Variants in NPAS3 observed in about 807,000 individuals in gnomAD.
NPAS3 encodes neuronal PAS domain-containing protein 3.
A neutral mutation model predicts 73.1 loss-of-function variants in NPAS3; 14 were observed. The observed-to-expected ratio is 0.19, with a 90% CI of 0.13 to 0.30. The LOEUF (loss-of-function observed/expected upper bound fraction) is 0.30, where lower values mean the gene tolerates loss of function less well. Ranked by LOEUF, NPAS3 falls within the 10% of genes least tolerant of loss-of-function variation. The pLI, the probability that NPAS3 is intolerant of heterozygous loss-of-function variation, is 1.00. For synonymous variants in NPAS3, 620 were observed against 541.5 expected, an observed-to-expected ratio of 1.14 and a Z score of -2.01; for missense variants, 1,096 against 1,250.0, an observed-to-expected ratio of 0.88 and a Z score of 1.86.
chr14:33,233,088 A>G (rs2047910988), intron 3 of NPAS3, among the ~76,000 whole-genome samples: 1 of 152,186 alleles, frequency 6.6e-6, no homozygotes. Context: ...ATGTTATCAA[A>G]TGATGACAAA....
At position 33,508,991 on chromosome 14, in the gene NPAS3, G is replaced by C. The variant is rs78749343; in HGVS notation, c.469-51130G>C. On this transcript the variant is annotated intron_variant, in intron 4 of 11. Transcript: ENST00000356141. ...GATTTTACTGTTTCAGAGGGTGGTG[G>C]CCTGTTTGTCCTTCTCAAGAAAGGT... is the stretch of plus-strand genomic sequence containing the variant. 5.9e-3 allele frequency among the ~76,000 whole-genome samples: 892 copies of C among 151,800 alleles called. 5 individuals carry two copies. The highest frequency in any genetic ancestry group is 0.024 in the Middle Eastern group (7 of 294).
intron 2 of NPAS3, among the ~76,000 whole-genome samples, chr14:33,208,872 C>A (rs2046927300): frequency 6.6e-6 from 1 of 152,178 alleles, no homozygotes; most frequent in South Asian, 2.1e-4. Flanking sequence ...AACAGTGCAT[C>A]TTTACTGACG....
chr14:33,110,148 C>T (rs1392624268), intron 2 of NPAS3, among the ~76,000 whole-genome samples: 1 of 152,068 alleles, frequency 6.6e-6, no homozygotes, highest in African/African-American at 2.4e-5. Flanking sequence ...AATCACTTAA[C>T]ATTCAATTCA....
At chr14:33,614,224 G>A (rs1184871476) in intron 5 of NPAS3, among the ~76,000 whole-genome samples, 1 of 152,164 alleles carries the variant, frequency 6.6e-6, no homozygotes, top group Admixed American at 6.5e-5. Flanking sequence ...TAGTTGTTAA[G>A]CATCTCTGAG....
intron 1 of NPAS3, among the ~76,000 whole-genome samples, chr14:32,997,063 C>A (rs1022518209): frequency 2.0e-5 from 3 of 152,192 alleles, no homozygotes; most frequent in African/African-American, 7.2e-5. Context: ...CATGCATTAG[C>A]ATGACCTGGA....
At chr14:33,519,189 G>A (rs750297997) in intron 4 of NPAS3, among the ~76,000 whole-genome samples, 1 of 152,050 alleles carries the variant, frequency 6.6e-6, no homozygotes, top group South Asian at 2.1e-4. Flanking sequence ...CAACTGTTTC[G>A]CTGGCATCCT....
intron 2 of NPAS3, among the ~76,000 whole-genome samples, chr14:33,191,066 T>A (rs1452457024): frequency 6.6e-6 from 1 of 152,148 alleles, no homozygotes; most frequent in Non-Finnish European, 1.5e-5. Context: ...AAAATGAAAT[T>A]TAGTCAAAGC....
intron 2 of NPAS3, among the ~76,000 whole-genome samples, chr14:33,070,684 T>G (rs1281501741): frequency 6.6e-6 from 1 of 152,198 alleles, no homozygotes; most frequent in African/African-American, 2.4e-5. Flanking sequence ...AGCTGCTGGT[T>G]TGAAAGCTGA....
intron 6 of NPAS3, among the ~76,000 whole-genome samples, chr14:33,727,052 G>T (rs1184865062): frequency 3.9e-5 from 6 of 152,106 alleles, no homozygotes; most frequent in African/African-American, 1.4e-4. Context: ...ATGTGTGTGT[G>T]TTTGCAAGTG....
chr14:33,467,136 G>A (rs548722213), intron 4 of NPAS3, among the ~76,000 whole-genome samples: 14 of 152,254 alleles, frequency 9.2e-5, no homozygotes, highest in East Asian at 7.7e-4. Context: ...GTGACTTTGC[G>A]CTGCTCACTG....
chr14:33,626,834 G>C (rs560261626), intron 5 of NPAS3, among the ~76,000 whole-genome samples: 1 of 152,230 alleles, frequency 6.6e-6, no homozygotes, highest in African/African-American at 2.4e-5. Context: ...GGATAAGAAA[G>C]ATAAAAAGTA....
chr14:33,157,624 A>C (rs2044694652), intron 2 of NPAS3, among the ~76,000 whole-genome samples: 1 of 152,154 alleles, frequency 6.6e-6, no homozygotes, highest in African/African-American at 2.4e-5. Flanking sequence ...GCTTGTAAAA[A>C]CCTGTGGTTC....
At chr14:33,343,807 A>G (rs139596069) in intron 3 of NPAS3, among the ~76,000 whole-genome samples, 2,005 of 152,314 alleles carry the variant, frequency 0.013, 42 homozygotes, top group African/African-American at 0.046. Flanking sequence ...GTTTGTAGGT[A>G]GGCAGCCCTA....
chr14:33,515,852 A>G (rs934513423), intron 4 of NPAS3, among the ~76,000 whole-genome samples: 2 of 152,014 alleles, frequency 1.3e-5, no homozygotes, highest in African/African-American at 4.8e-5. Context: ...CTTTTAAACA[A>G]CTTTGTACTT....
At chr14:33,497,474 C>G (rs1044839640) in intron 4 of NPAS3, among the ~76,000 whole-genome samples, 2 of 152,056 alleles carry the variant, frequency 1.3e-5, no homozygotes. Flanking sequence ...GTAACCAAAA[C>G]GGCATGGTAC....
intron 7 of NPAS3, among the ~76,000 whole-genome samples, chr14:33,740,366 T>C (rs948994641): frequency 3.3e-5 from 5 of 152,226 alleles, no homozygotes; most frequent in Non-Finnish European, 5.9e-5. Context: ...ATACCCAACA[T>C]TGGATACTAG....
At chr14:33,781,924 T>C (rs1324397887) in intron 9 of NPAS3, among the ~76,000 whole-genome samples, 2 of 152,196 alleles carry the variant, frequency 1.3e-5, no homozygotes, top group Admixed American at 6.5e-5. Context: ...CTCTGATAAA[T>C]TGAACCAAGA....
rs574614530 is a variant in NPAS3, at chr14:33,016,852, C to A, written c.51-39053C>A. 3.3e-5 allele frequency among the ~76,000 whole-genome samples: 5 copies of A among 152,070 alleles called. No homozygotes were observed. In the South Asian group the frequency reaches 1.0e-3, roughly 32 times the overall value. ...ATAAAAAATATTTGCACATTCCAGG[C>A]GTTTCATAAATATTTGCTGATTTGC... On this transcript the variant is annotated intron_variant, in intron 1 of 11. Transcript: ENST00000356141.
upstream of NPAS3, among the ~76,000 whole-genome samples, chr14:32,936,946 T>C (rs1200284614): frequency 2.7e-5 from 4 of 146,502 alleles, no homozygotes; most frequent in South Asian, 2.2e-4. Flanking sequence ...TTTTTTTTTT[T>C]CTAGCATCTC....
Sources: gnomAD v4.1 joint callset for allele counts (sites outside exome capture counted in the v4.1 genomes callset) on GRCh38, gnomAD v4.1.1 for gene constraint, MANE v1.5 for transcripts, NCBI Gene and HGNC (gene_info 2026-07-23, HGNC 2026-07-21) for gene names.